C9orf72: variants seen among roughly 807,000 people sequenced by gnomAD.
C9orf72 encodes the protein C9orf72-SMCR8 complex subunit.
Under a neutral mutation model 51.6 loss-of-function variants are expected in C9orf72, and 44 were observed. The observed-to-expected ratio is 0.85, with a 90% CI of 0.67 to 1.10. C9orf72 has a LOEUF of 1.10. Among genes scored for constraint, C9orf72 ranks in the 50% least tolerant of loss-of-function variants. The pLI, the probability that C9orf72 is intolerant of heterozygous loss-of-function variation, is 0.00. For missense variants in C9orf72, 607 were observed against 570.6 expected, an observed-to-expected ratio of 1.06 and a Z score of -0.65; for synonymous variants, 213 against 194.2, an observed-to-expected ratio of 1.10 and a Z score of -0.81.
At chr9:27,557,065 G>A (rs1819219175) in intron 7 of C9orf72, among the ~76,000 whole-genome samples, 1 of 152,160 alleles carries the variant, frequency 6.6e-6, no homozygotes, top group African/African-American at 2.4e-5. Flanking sequence ...TATAGATGAA[G>A]TTGTTGAAGT....
chr9:27,569,384 T>C (rs959722667), intron 1 of C9orf72, among the ~76,000 whole-genome samples: 1 of 152,336 alleles, frequency 6.6e-6, no homozygotes, highest in African/African-American at 2.4e-5. Context: ...CTTCTAGTCC[T>C]GCAAGCTCCA....
intron 3 of C9orf72, among the ~76,000 whole-genome samples, chr9:27,564,690 T>A (rs1403598960): frequency 1.3e-5 from 2 of 152,130 alleles, no homozygotes; most frequent in African/African-American, 4.8e-5. Flanking sequence ...TTTTTTTTTT[T>A]AATTACTTTT....
At position 27,567,164 on chromosome 9, in the gene C9orf72, T is replaced by A. The variant is rs773831755; in HGVS notation, c.-44A>T. On this transcript the variant is annotated splice_region_variant and 5_prime_UTR_variant, in exon 2 of 11. Transcript: ENST00000380003. ...ACATTATCCAAATGCTCCGGAGATA[T>A]CTAAACAATGACATATGAAACCAAT... The A allele has an allele frequency of 1.3e-5, 20 of 1,503,178 alleles. No homozygotes were observed. Among genetic ancestry groups the A allele is most frequent in the Admixed American group, 1.0e-4 (6 of 57,506 alleles). 93.1% of individuals were successfully genotyped at this position (1,503,178 alleles called of 1,614,324 possible).
intron 8 of C9orf72, among the ~76,000 whole-genome samples, chr9:27,552,127 A>G (rs1389743438): frequency 6.6e-6 from 1 of 152,128 alleles, no homozygotes; most frequent in Admixed American, 6.6e-5. Context: ...TTCCTATCTG[A>G]ATGTCTTTCT....
At chr9:27,553,936 G>GA (rs1382680290) in intron 8 of C9orf72, among the ~76,000 whole-genome samples, 1 of 152,040 alleles carries the variant, frequency 6.6e-6, no homozygotes, top group East Asian at 1.9e-4. Context: ...AAAAGCATAT[G>GA]AAAAAATGCT....
Position 27,548,687 on chromosome 9 carries a change from T to C in C9orf72, c.1150-21A>G, listed in dbSNP as rs199877251. The C allele has an allele frequency of 2.4e-4, 331 of 1,376,632 alleles. 1 individual carries two copies. In the African/African-American group the frequency reaches 4.2e-3, roughly 18 times the overall value. 85.3% of individuals were successfully genotyped at this position (1,376,632 alleles called of 1,614,324 possible). On this transcript the variant is annotated intron_variant, in intron 9 of 10. Transcript: ENST00000380003. ...AAGACCTGCAGGGAGAGGAACCATT[T>C]CAACACATAATTTGCTCACATTCTA...
intron 1 of C9orf72, among the ~76,000 whole-genome samples, chr9:27,568,327 T>A (rs556083317): frequency 6.7e-4 from 102 of 152,274 alleles, no homozygotes; most frequent in African/African-American, 2.2e-3. Flanking sequence ...ATGGCTAGAA[T>A]TTAAAAGCTT....
In C9orf72 at chr9:27,560,514, C is replaced by T. The variant is rs1164898945; in HGVS notation, c.666-215G>A. The T allele has an allele frequency of 1.3e-5, 9 of 684,256 alleles. No individual in the cohort carries two copies. In the Admixed American group the frequency reaches 2.1e-4, roughly 16 times the overall value. 42.4% of individuals were successfully genotyped at this position (684,256 alleles called of 1,614,324 possible). A position where few individuals can be genotyped will look rare whatever the true frequency, so the allele number is the denominator to read the frequency against. ...TTTTCTTATTGAGCCTTAAAACAGC[C>T]CAATTAGTCAGTATAATATCATTTA... is the stretch of plus-strand genomic sequence containing the variant. On this transcript the variant is annotated intron_variant, in intron 5 of 10. Coordinates refer to ENST00000380003, the MANE Select transcript of C9orf72 (RefSeq NM_018325.5).
chr9:27,563,774 T>G (rs1027550559), intron 3 of C9orf72, among the ~76,000 whole-genome samples: 60 of 152,130 alleles, frequency 3.9e-4, no homozygotes, highest in Non-Finnish European at 8.2e-4. Context: ...TTTAGTAACC[T>G]CCACAACTAA....
rs1820801481 is a variant in C9orf72 at position 27,547,854 on chromosome 9, T to TA, written c.*381dup. The TA allele has an allele frequency of 6.5e-6, 1 of 154,932 alleles. No individual in the cohort carries two copies. Among genetic ancestry groups the TA allele is most frequent in the Non-Finnish European group, 1.4e-5 (1 of 69,662 alleles). 9.6% of individuals were successfully genotyped at this position (154,932 alleles called of 1,614,324 possible). On this transcript the variant is annotated 3_prime_UTR_variant, in exon 11 of 11. Transcript: ENST00000380003. Reference sequence around the variant, plus strand: ...CTACACACCAAAGAATGCCAAAAGATAGAAAGTCAACTATCTGTAAAAGCC... The same window carrying TA: ...CTACACACCAAAGAATGCCAAAAGATAAGAAAGTCAACTATCTGTAAAAGCC...
chr9:27,564,223 T>G (rs1819416405), intron 3 of C9orf72, among the ~76,000 whole-genome samples: 1 of 150,980 alleles, frequency 6.6e-6, no homozygotes, highest in African/African-American at 2.4e-5. Flanking sequence ...AGAAAATCTC[T>G]TAAGTTTCTA....
At chr9:27,562,573 G>C in intron 3 of C9orf72, 97 bp from the exon 4 acceptor site, 2 of 522,868 alleles carry the variant, frequency 3.8e-6, no homozygotes, top group East Asian at 6.4e-5. Flanking sequence ...AACATTCTTT[G>C]ATGAAAATAC....
rs1346306530 is a variant in C9orf72 at position 27,558,543 on chromosome 9, G to A, written c.803C>T (p.Ala268Val). ...AERKCSRLCE[A>V]ESSFKYESGL... The stretch of plus-strand genomic sequence containing the variant: ...TGACTCATATTTAAATGATGATTCT[G>A]CTTCACATAACCTGGAGCATTTTCT... The change falls in exon 7 of 11, where the codon GCA (alanine) becomes GTA (valine). Residue 268 changes from alanine to valine, a missense_variant. Transcript: ENST00000380003. 4 of 1,608,776 alleles carry A rather than the reference G, an allele frequency of 2.5e-6. No homozygotes were observed. In the East Asian group the frequency reaches 6.7e-5, roughly 27 times the overall value.
Position 27,557,809 on chromosome 9 carries a change from T to G in C9orf72, c.855+682A>C, listed in dbSNP as rs981752311. On this transcript the variant is annotated intron_variant, in intron 7 of 10. Coordinates refer to ENST00000380003, the MANE Select transcript of C9orf72 (RefSeq NM_018325.5). ...TAATATAACTTGTATTTGCAACAAT[T>G]TTTAAATTTTTTTATTTCATTTTGC... Among the ~76,000 whole-genome samples the G allele has an allele frequency of 3.9e-5, 6 of 151,924 alleles. No individual in the cohort carries two copies. The East Asian group carries it at 1.2e-3, about 29-fold the overall frequency.
In C9orf72 at chr9:27,550,710, GA is replaced by G; in HGVS notation, c.1092-4del. 6.5e-7 allele frequency: 1 copy of G among 1,549,126 alleles called. No homozygotes were observed. ...GTAAGACATCTTGAAAAATATTCCT[GA>G]AGAAAAGAAGAAAATGAAGAAAAGA... is the stretch of plus-strand genomic sequence containing the variant. On this transcript the variant is annotated splice_polypyrimidine_tract_variant and splice_region_variant and intron_variant, in intron 8 of 10. Transcript: ENST00000380003.
rs1443430461 is a variant in C9orf72, at chr9:27,565,469, A to G, written c.504+62T>C. 4 of 1,098,638 alleles carry G rather than the reference A, an allele frequency of 3.6e-6. No homozygotes were observed. The Admixed American group carries it at 7.8e-5, about 21-fold the overall frequency. 68.1% of individuals were successfully genotyped at this position (1,098,638 alleles called of 1,614,324 possible). A position where few individuals can be genotyped will look rare whatever the true frequency, so the allele number is the denominator to read the frequency against. On this transcript the variant is annotated intron_variant, in intron 3 of 10. Coordinates refer to ENST00000380003, the MANE Select transcript of C9orf72 (RefSeq NM_018325.5). ...CTCCAAGGCCTTGACAAATGTAGCC[A>G]TCAACCTTATACAGATACATGCTGT...
At chr9:27,573,707 AC>A (rs2131552714), upstream of C9orf72, 1 of 152,088 alleles carries the variant, frequency 6.6e-6, no homozygotes, top group African/African-American at 2.4e-5. Context: ...AAAAACACAC[AC>A]CTCCTAAACC....
chr9:27,556,896 T>C, intron 7 of C9orf72, 100 bp from the exon 8 acceptor site: 1 of 780,208 alleles, frequency 1.3e-6, no homozygotes, highest in Non-Finnish European at 2.1e-6. Flanking sequence ...CAAATCCATC[T>C]CTAAAAATTT....
Position 27,567,017 on chromosome 9 carries a change from T to C in C9orf72, c.104A>G (p.Asn35Ser). 3 of 1,614,044 alleles carry C rather than the reference T, an allele frequency of 1.9e-6. No individual in the cohort carries two copies. Among genetic ancestry groups the C allele is most frequent in the African/African-American group, 1.3e-5 (1 of 75,040 alleles). ...GTGCCTTACTCTAGGACCAAGAATATTGTCCCAGTAAGCAAAAGTAGCTGC... is the reference window on the plus strand; with the variant it reads ...GTGCCTTACTCTAGGACCAAGAATACTGTCCCAGTAAGCAAAAGTAGCTGC... Reference protein sequence around the residue: ...LLAATFAYWDNILGPRVRHIW... With the variant: ...LLAATFAYWDSILGPRVRHIW... Residue 35 changes from asparagine (N) to serine (S), a missense_variant, in exon 2 of 11, where the codon AAT becomes AGT. Asn to Ser is a conservative substitution (Grantham distance 46). Transcript: ENST00000380003.
Sources: gnomAD v4.1 joint callset for allele counts (sites outside exome capture counted in the v4.1 genomes callset) on GRCh38, gnomAD v4.1.1 for gene constraint, MANE v1.5 for transcripts, NCBI Gene and HGNC (gene_info 2026-07-23, HGNC 2026-07-21) for gene names.